The following ARHGAP26 variants were observed in gnomAD, a reference collection of about 807,000 sequenced individuals.
ARHGAP26 encodes Rho GTPase activating protein 26.
In ARHGAP26, 38 loss-of-function variants were observed where a neutral mutation model predicts 104.8. The observed-to-expected ratio is 0.36, with a 90% CI of 0.28 to 0.48. The LOEUF (loss-of-function observed/expected upper bound fraction) is 0.48, where lower values mean the gene tolerates loss of function less well. Ranked by LOEUF, ARHGAP26 falls within the 20% of genes least tolerant of loss-of-function variation. The pLI, the probability that ARHGAP26 is intolerant of heterozygous loss-of-function variation, is 0.99. For missense variants in ARHGAP26, 704 were observed against 947.9 expected, an observed-to-expected ratio of 0.74 and a Z score of 3.38; for synonymous variants, 341 against 340.0, an observed-to-expected ratio of 1.00 and a Z score of -0.03.
chr5:142,934,340 C>A (rs1428856827), intron 11 of ARHGAP26, among the ~76,000 whole-genome samples: 1 of 152,178 alleles, frequency 6.6e-6, no homozygotes, highest in East Asian at 1.9e-4. Context: ...CAAGTTTAAA[C>A]ACAAAATAAT....
intron 8 of ARHGAP26, among the ~76,000 whole-genome samples, chr5:142,905,970 T>C (rs938721157): frequency 2.0e-5 from 3 of 152,238 alleles, no homozygotes; most frequent in Non-Finnish European, 2.9e-5. Context: ...GTCATGACTT[T>C]AGTCTCCTTT....
intron 12 of ARHGAP26, among the ~76,000 whole-genome samples, chr5:143,026,268 G>A (rs1297097280): frequency 6.6e-6 from 1 of 152,228 alleles, no homozygotes; most frequent in Non-Finnish European, 1.5e-5. Flanking sequence ...GAACAGGGCA[G>A]ATTGTCTCTG....
At chr5:143,048,667 G>C (rs1236810690) in intron 14 of ARHGAP26, among the ~76,000 whole-genome samples, 1 of 151,816 alleles carries the variant, frequency 6.6e-6, no homozygotes, top group Non-Finnish European at 1.5e-5. Context: ...TGTAATCCCA[G>C]CACTTTGGGA....
At chr5:143,032,754 AACCG>A (rs1782061415) in intron 12 of ARHGAP26, among the ~76,000 whole-genome samples, 1 of 152,176 alleles carries the variant, frequency 6.6e-6, no homozygotes, top group African/African-American at 2.4e-5. Context: ...TAAATAATAA[AACCG>A]TTGTTAATTA....
At chr5:142,931,592 A>G (rs1764724872) in intron 10 of ARHGAP26, among the ~76,000 whole-genome samples, 1 of 152,156 alleles carries the variant, frequency 6.6e-6, no homozygotes. Flanking sequence ...AGTGGACTAG[A>G]TATTAGGAGA....
At chr5:142,943,628 C>T (rs747211039) in intron 11 of ARHGAP26, among the ~76,000 whole-genome samples, 52 of 152,194 alleles carry the variant, frequency 3.4e-4, no homozygotes, top group Non-Finnish European at 6.2e-4. Flanking sequence ...AAGGCACACA[C>T]ATTTAGACCA....
intron 19 of ARHGAP26, 29 bp from the exon 20 acceptor site, chr5:143,147,202 A>G (rs1282610323): frequency 6.2e-7 from 1 of 1,609,534 alleles, no homozygotes; most frequent in South Asian, 1.1e-5. Context: ...AATAATATTA[A>G]TATGGGACTT....
chr5:143,157,172 CTTTTT>C (rs56740224), intron 20 of ARHGAP26, among the ~76,000 whole-genome samples: 34,281 of 140,902 alleles, frequency 0.24, 4,232 homozygotes, highest in Non-Finnish European at 0.29. Context: ...CACATTCTTT[CTTTTT>C]TTTTTTTTTT....
intron 16 of ARHGAP26, among the ~76,000 whole-genome samples, chr5:143,056,456 G>A (rs1449672018): frequency 1.3e-5 from 2 of 150,834 alleles, no homozygotes; most frequent in South Asian, 2.1e-4. Context: ...TTTGCAGAAT[G>A]AATCAGACAT....
intron 1 of ARHGAP26, among the ~76,000 whole-genome samples, chr5:142,778,810 C>T (rs575876347): frequency 2.6e-5 from 4 of 152,228 alleles, no homozygotes; most frequent in South Asian, 2.1e-4. Context: ...TCCTTGTAGC[C>T]GGTTGATAAT....
chr5:143,186,186 T>C (rs1179901354), intron 20 of ARHGAP26, among the ~76,000 whole-genome samples: 1 of 152,252 alleles, frequency 6.6e-6, no homozygotes, highest in African/African-American at 2.4e-5. Context: ...TGGAATATTA[T>C]AATATCACCT....
intron 11 of ARHGAP26, among the ~76,000 whole-genome samples, chr5:142,969,561 G>A (rs1263519216): frequency 6.6e-6 from 1 of 152,198 alleles, no homozygotes; most frequent in African/African-American, 2.4e-5. Flanking sequence ...GGGTAGAAGA[G>A]CTCCAGTTGG....
chr5:143,034,398 G>A lies in ARHGAP26; in HGVS notation c.1145-2798G>A, dbSNP rs114782343. ...AAATAAAATGTGATATATCTGGACC[G>A]TGGAATATTATTTAACCATAAAAAT... On this transcript the variant is annotated intron_variant, in intron 12 of 22. Coordinates refer to ENST00000645722, the MANE Select transcript of ARHGAP26 (RefSeq NM_001135608.3). Among the ~76,000 whole-genome samples the A allele has an allele frequency of 5.3e-3, 801 of 152,270 alleles. 1 individual carries two copies. The highest frequency in any genetic ancestry group is 0.018 in the African/African-American group (746 of 41,552).
chr5:143,097,386 G>T (rs1188948080), intron 17 of ARHGAP26, among the ~76,000 whole-genome samples: 4 of 141,182 alleles, frequency 2.8e-5, no homozygotes, highest in African/African-American at 1.1e-4. Context: ...AAAAAAAAGA[G>T]CATATCTGAC....
In ARHGAP26 at chr5:142,879,398, A is replaced by G. The variant is rs1223567276; in HGVS notation, c.337A>G (p.Ile113Val). The part of the protein sequence containing the change: ...RMIENASEVL[I>V]TPLEKFRKEQ... ...GATTGAGAATGCCAGCGAGGTGCTC[A>G]TCACTCCCTTGGAGAAGTTTCGAAA... The change falls in exon 4 of 23, where the codon ATC (isoleucine) becomes GTC (valine). Residue 113 changes from isoleucine to valine, a missense_variant. Transcript: ENST00000645722. 6.2e-7 allele frequency: 1 copy of G among 1,614,152 alleles called. No homozygotes were observed. Among genetic ancestry groups the G allele is most frequent in the South Asian group, 1.1e-5 (1 of 91,078 alleles).
At chr5:142,902,474 A>G (rs1760501214) in intron 7 of ARHGAP26, among the ~76,000 whole-genome samples, 1 of 151,842 alleles carries the variant, frequency 6.6e-6, no homozygotes, top group Non-Finnish European at 1.5e-5. Context: ...CTCTTGTCCA[A>G]CTCTTAGGAA....
intron 17 of ARHGAP26, among the ~76,000 whole-genome samples, chr5:143,116,334 C>T (rs1309487196): frequency 6.6e-6 from 1 of 152,128 alleles, no homozygotes; most frequent in African/African-American, 2.4e-5. Context: ...GTTGCTCCAC[C>T]CATCCAACCC....
chr5:143,224,420 TG>T lies in ARHGAP26; in HGVS notation c.*1977del, dbSNP rs1811498294. 1 of 228,566 alleles carries T rather than the reference TG, an allele frequency of 4.4e-6. No individual in the cohort carries two copies. Among genetic ancestry groups the T allele is most frequent in the Admixed American group, 5.7e-5 (1 of 17,644 alleles). The allele number at this position is 228,566 out of a possible 1,614,324, so 14.2% of individuals were successfully genotyped here. ...ATCCCTTGGGCTTTGGATTTGGAGATGGGAAGAGCATCTCCAGGCAATGAGT... is the reference window on the plus strand; with the variant it reads ...ATCCCTTGGGCTTTGGATTTGGAGATGGAAGAGCATCTCCAGGCAATGAGT... On this transcript the variant is annotated 3_prime_UTR_variant, in exon 23 of 23. Coordinates refer to ENST00000645722, the MANE Select transcript of ARHGAP26 (RefSeq NM_001135608.3).
At chr5:143,082,887 A>T (rs1790018335) in intron 17 of ARHGAP26, among the ~76,000 whole-genome samples, 1 of 152,216 alleles carries the variant, frequency 6.6e-6, no homozygotes, top group Admixed American at 6.5e-5. Flanking sequence ...ACAGAACGTC[A>T]CGGGTTTTTG....
Sources: allele counts gnomAD v4.1 joint callset (sites outside exome capture counted in the v4.1 genomes callset), GRCh38; gene constraint gnomAD v4.1.1; transcripts MANE v1.5; gene names NCBI Gene and HGNC (gene_info 2026-07-23, HGNC 2026-07-21).